Variants in CACNA1C observed in about 807,000 individuals in gnomAD.
The protein encoded by CACNA1C is calcium voltage-gated channel subunit alpha1 C, also known as voltage-dependent L-type calcium channel subunit alpha-1C.
CACNA1C carries 30 observed loss-of-function variants against 229.0 expected under a neutral mutation model. The ratio of observed to expected loss-of-function variants is 0.13; its 90% CI spans 0.10 to 0.18. The LOEUF (loss-of-function observed/expected upper bound fraction) is 0.18. CACNA1C is among the 10% of genes least tolerant of loss of function. CACNA1C has a pLI of 1.00. For missense variants in CACNA1C, 1,658 were observed against 2,845.0 expected (o/e 0.58, Z 9.49); for synonymous variants, 1,114 against 1,132.5 (o/e 0.98, Z 0.33).
At chr12:2,661,464 AT>A (rs2095736243) in intron 34 of CACNA1C, among the ~76,000 whole-genome samples, 1 of 151,910 alleles carries the variant, frequency 6.6e-6, no homozygotes, top group African/African-American at 2.4e-5. Context: ...TATCTTAAGA[AT>A]TAAAAAAAAA....
At chr12:2,443,764 C>A (rs539724862) in intron 3 of CACNA1C, among the ~76,000 whole-genome samples, 17 of 152,254 alleles carry the variant, frequency 1.1e-4, no homozygotes, top group Non-Finnish European at 2.5e-4. Context: ...CTTTGACCAA[C>A]TTTTTCTTTT....
At chr12:2,398,224 G>A (rs2098620498) in intron 3 of CACNA1C, among the ~76,000 whole-genome samples, 1 of 152,206 alleles carries the variant, frequency 6.6e-6, no homozygotes, top group Non-Finnish European at 1.5e-5. Flanking sequence ...GCCCAGCTCT[G>A]AAGGCCTCTT....
In CACNA1C at chr12:2,593,299, C is replaced by A; in HGVS notation, c.2617C>A (p.Pro873Thr). The A allele has an allele frequency of 6.2e-7, 1 of 1,613,756 alleles. No homozygotes were observed. The highest frequency in any genetic ancestry group is 8.5e-7 in the Non-Finnish European group (1 of 1,179,804). ...SELHLKEKAV[P>T]MPEASAFFIF... is the part of the protein sequence containing the mutation. ...GCTTCACCTTAAGGAAAAGGCAGTG[C>A]CCATGCCAGAAGCCAGCGCGTTTTT... Residue 873 changes from proline (P) to threonine (T), a missense_variant, in exon 19 of 47, where the codon CCC becomes ACC. This residue lies in a region of CACNA1C where 52 missense variants were observed against 99.0 expected (regional missense o/e 0.53). Transcript: ENST00000399655.
intron 38 of CACNA1C, among the ~76,000 whole-genome samples, chr12:2,670,374 C>A (rs972963504): frequency 3.9e-5 from 6 of 152,108 alleles, no homozygotes; most frequent in Non-Finnish European, 5.9e-5. Context: ...TTTACTCTCT[C>A]TCTACTTCAG....
chr12:2,068,900 C>T (rs867358769), intron 1 of CACNA1C, among the ~76,000 whole-genome samples: 6 of 152,180 alleles, frequency 3.9e-5, no homozygotes, highest in East Asian at 1.9e-4. Flanking sequence ...GAAACTTAGG[C>T]GGAATGCAAT....
At chr12:2,314,843 A>G (rs2095608577) in intron 3 of CACNA1C, among the ~76,000 whole-genome samples, 1 of 152,112 alleles carries the variant, frequency 6.6e-6, no homozygotes. Context: ...CTAGGAGTAG[A>G]ATTGCTGGGT....
At chr12:2,134,421 G>T (rs2092945171) in intron 3 of CACNA1C, among the ~76,000 whole-genome samples, 13 of 89,494 alleles carry the variant, frequency 1.5e-4, no homozygotes, top group Non-Finnish European at 1.6e-4. Flanking sequence ...TTACATTTTG[G>T]CATGATTTTG....
rs938601095 is a variant in CACNA1C at position 2,395,826 on chromosome 12, C to T, written c.478-53150C>T. ...CATTGACATTAGCACAGATCTGAGC[C>T]ACATGAGTAGTTGCTCATACCATTA... On this transcript the variant is annotated intron_variant, in intron 3 of 46. Transcript: ENST00000399655. Among the ~76,000 whole-genome samples the T allele has an allele frequency of 2.0e-5, 3 of 152,182 alleles. No homozygotes were observed. In the East Asian group the frequency reaches 5.8e-4, roughly 29 times the overall value.
intron 3 of CACNA1C, among the ~76,000 whole-genome samples, chr12:2,164,108 G>A (rs574859315): frequency 3.9e-5 from 6 of 152,222 alleles, no homozygotes; most frequent in African/African-American, 9.6e-5. Flanking sequence ...CTCCTTTCAC[G>A]GAGTCTCCAT....
chr12:1,996,638 A>T (rs886653265), intron 1 of CACNA1C, among the ~76,000 whole-genome samples: 2 of 123,530 alleles, frequency 1.6e-5, no homozygotes, highest in Admixed American at 8.3e-5. Context: ...AAAAAAAAAA[A>T]AAAAAAAAAA....
At chr12:2,395,001 C>T (rs2098546360) in intron 3 of CACNA1C, among the ~76,000 whole-genome samples, 1 of 151,934 alleles carries the variant, frequency 6.6e-6, no homozygotes, top group Non-Finnish European at 1.5e-5. Flanking sequence ...TTGAAAATTC[C>T]CAGCCTTATT....
At chr12:2,362,428 C>T (rs2097580714) in intron 3 of CACNA1C, among the ~76,000 whole-genome samples, 1 of 152,198 alleles carries the variant, frequency 6.6e-6, no homozygotes, top group African/African-American at 2.4e-5. Context: ...CCTTCTGAAT[C>T]CTACATGTTT....
intron 9 of CACNA1C, among the ~76,000 whole-genome samples, chr12:2,532,251 G>GAGCC (rs2099842740): frequency 6.6e-6 from 1 of 152,294 alleles, no homozygotes; most frequent in African/African-American, 2.4e-5. Flanking sequence ...CTCAACCAAG[G>GAGCC]AGCCAGCACT....
At chr12:2,358,017 C>T (rs2097433060) in intron 3 of CACNA1C, among the ~76,000 whole-genome samples, 1 of 151,918 alleles carries the variant, frequency 6.6e-6, no homozygotes, top group Non-Finnish European at 1.5e-5. Context: ...CAGCCCTTCC[C>T]CACTGGTAAT....
intron 3 of CACNA1C, among the ~76,000 whole-genome samples, chr12:2,417,195 T>A (rs906189550): frequency 6.6e-6 from 1 of 152,206 alleles, no homozygotes; most frequent in African/African-American, 2.4e-5. Context: ...AGTGGCCGTT[T>A]CCATGCGTGG....
intron 3 of CACNA1C, among the ~76,000 whole-genome samples, chr12:2,309,425 T>A (rs1044553401): frequency 6.6e-6 from 1 of 152,128 alleles, no homozygotes; most frequent in Non-Finnish European, 1.5e-5. Flanking sequence ...TTAAAAATAC[T>A]ATGCTGTATA....
At chr12:2,416,548 G>A (rs1035314595) in intron 3 of CACNA1C, among the ~76,000 whole-genome samples, 3 of 152,172 alleles carry the variant, frequency 2.0e-5, no homozygotes, top group Non-Finnish European at 2.9e-5. Flanking sequence ...TTTGTCCCAG[G>A]TCAAACCACT....
intron 9 of CACNA1C, among the ~76,000 whole-genome samples, chr12:2,515,963 G>A (rs746347766): frequency 3.9e-5 from 6 of 152,198 alleles, no homozygotes; most frequent in Non-Finnish European, 7.3e-5. Flanking sequence ...TGATAGAGCA[G>A]TGAACAAGGG....
chr12:2,468,363 C>A (rs894624917), intron 5 of CACNA1C, among the ~76,000 whole-genome samples: 2 of 152,238 alleles, frequency 1.3e-5, no homozygotes, highest in Non-Finnish European at 2.9e-5. Flanking sequence ...AGGGTTACCT[C>A]CAACTACAAG....
Sources: allele counts gnomAD v4.1 joint callset (sites outside exome capture counted in the v4.1 genomes callset), GRCh38; gene constraint gnomAD v4.1.1; regional missense constraint gnomAD v4.1.1; transcripts MANE v1.5; gene names NCBI Gene and HGNC (gene_info 2026-07-23, HGNC 2026-07-21).